The following ST8SIA6 variants were observed in gnomAD, a reference collection of about 807,000 sequenced individuals.
The protein encoded by ST8SIA6 is ST8 alpha-N-acetyl-neuraminide alpha-2,8-sialyltransferase 6, also known as alpha-2,8-sialyltransferase 8F.
Under a neutral mutation model 33.6 loss-of-function variants are expected in ST8SIA6, and 39 were observed. That is an observed-to-expected ratio of 1.16 (90% CI 0.90 to 1.52). The LOEUF (loss-of-function observed/expected upper bound fraction) is 1.52, where lower values mean the gene tolerates loss of function less well. ST8SIA6 is among the 40% of genes most tolerant of loss of function. The probability of loss-of-function intolerance (pLI) is 0.00; values close to 1 mark genes in which losing one functional copy is unlikely to be tolerated. For synonymous variants in ST8SIA6, 172 were observed against 167.2 expected (o/e 1.03, Z -0.22); for missense variants, 441 against 443.8 (o/e 0.99, Z 0.06).
rs564657839 is a variant in ST8SIA6, at chr10:17,372,691, A to T, written c.291-13091T>A. ...TGACAAAAATATAATAATGTAAAGG[A>T]TTATGAACTGAGTAATGGGTTAGTT... On this transcript the variant is annotated intron_variant, in intron 3 of 7. Transcript: ENST00000377602. Among the ~76,000 whole-genome samples, 11 of 152,342 alleles carry T rather than the reference A, an allele frequency of 7.2e-5. No homozygotes were observed. In the East Asian group the frequency reaches 2.1e-3, roughly 29 times the overall value.
chr10:17,356,708 G>T (rs964231852), intron 4 of ST8SIA6, among the ~76,000 whole-genome samples: 2 of 152,000 alleles, frequency 1.3e-5, no homozygotes, highest in Admixed American at 6.6e-5. Flanking sequence ...ACTTAAATTG[G>T]CCCTGAAGGG....
intron 2 of ST8SIA6, among the ~76,000 whole-genome samples, chr10:17,429,682 A>G (rs1356785610): frequency 6.6e-6 from 1 of 151,816 alleles, no homozygotes; most frequent in African/African-American, 2.4e-5. Flanking sequence ...ATGGGGTCTC[A>G]CTATGTTGCC....
chr10:17,385,444 G>A (rs560263172), intron 3 of ST8SIA6, among the ~76,000 whole-genome samples: 2 of 152,034 alleles, frequency 1.3e-5, no homozygotes, highest in African/African-American at 2.4e-5. Flanking sequence ...CTTTTTAATC[G>A]CCTGGGTGCA....
At chr10:17,450,933 A>C (rs1852888773) in intron 2 of ST8SIA6, among the ~76,000 whole-genome samples, 1 of 152,124 alleles carries the variant, frequency 6.6e-6, no homozygotes. Context: ...CCCAGCACCT[A>C]TGGCAGGCAA....
chr10:17,385,971 C>T (rs930071422), intron 3 of ST8SIA6, among the ~76,000 whole-genome samples: 5 of 151,892 alleles, frequency 3.3e-5, no homozygotes, highest in Non-Finnish European at 7.4e-5. Context: ...TCACTTGCAC[C>T]CAGGGTTTTG....
intron 4 of ST8SIA6, among the ~76,000 whole-genome samples, chr10:17,355,371 G>A (rs1849158040): frequency 6.6e-6 from 1 of 152,112 alleles, no homozygotes; most frequent in Non-Finnish European, 1.5e-5. Flanking sequence ...CTCCTTCAAT[G>A]AGAGAACTGG....
intron 2 of ST8SIA6, among the ~76,000 whole-genome samples, chr10:17,425,659 AG>A (rs1851912922): frequency 6.7e-6 from 1 of 150,228 alleles, no homozygotes; most frequent in East Asian, 2.0e-4. Flanking sequence ...GGAGGGAGGG[AG>A]GAAGGGAAGA....
chr10:17,347,395 A>T (rs1023846938), intron 4 of ST8SIA6, among the ~76,000 whole-genome samples: 18 of 152,306 alleles, frequency 1.2e-4, no homozygotes, highest in Admixed American at 1.1e-3. Flanking sequence ...TGGGAGAAGG[A>T]TGCTGACTTC....
At position 17,437,669 on chromosome 10, in the gene ST8SIA6, C is replaced by CTCTCTT. The variant is rs762812881; in HGVS notation, c.200+15884_200+15889dup. 5.1e-4 allele frequency among the ~76,000 whole-genome samples: 76 copies of CTCTCTT among 148,962 alleles called. No homozygotes were observed. In the East Asian group the frequency reaches 6.8e-3, roughly 13 times the overall value. On this transcript the variant is annotated intron_variant, in intron 2 of 7. Coordinates refer to ENST00000377602, the MANE Select transcript of ST8SIA6 (RefSeq NM_001004470.3). The stretch of plus-strand genomic sequence containing the variant: ...TCCTTCCTTCCTTCCTTCCTTCTGT[C>CTCTCTT]TCTCTTTCTCTTTCTCTTTCTCCCT...
intron 2 of ST8SIA6, among the ~76,000 whole-genome samples, chr10:17,402,753 A>G (rs1851097125): frequency 1.3e-5 from 2 of 152,070 alleles, no homozygotes; most frequent in African/African-American, 4.8e-5. Context: ...GAAGGGGAGC[A>G]TCACACACCG....
intron 2 of ST8SIA6, among the ~76,000 whole-genome samples, chr10:17,439,362 C>G (rs796135969): frequency 2.2e-4 from 33 of 151,186 alleles, no homozygotes; most frequent in African/African-American, 8.0e-4. Flanking sequence ...TCACTGCAAC[C>G]TCCGCCTTCC....
intron 4 of ST8SIA6, among the ~76,000 whole-genome samples, chr10:17,353,034 A>G (rs1423756602): frequency 3.9e-5 from 6 of 152,180 alleles, no homozygotes; most frequent in Admixed American, 3.9e-4. Context: ...TAAACAGCAA[A>G]CATTTAGAGG....
intron 4 of ST8SIA6, among the ~76,000 whole-genome samples, chr10:17,338,630 GC>G (rs1435673424): frequency 1.3e-5 from 2 of 152,180 alleles, no homozygotes; most frequent in African/African-American, 4.8e-5. Context: ...ACATATAAAT[GC>G]TTCAAAGCCT....
intron 6 of ST8SIA6, among the ~76,000 whole-genome samples, chr10:17,325,439 G>A (rs1848101531): frequency 1.3e-5 from 1 of 77,064 alleles, no homozygotes. Flanking sequence ...TAATATATAT[G>A]TGATTATATA....
intron 3 of ST8SIA6, among the ~76,000 whole-genome samples, chr10:17,364,467 C>T (rs1304100682): frequency 6.6e-6 from 1 of 152,134 alleles, no homozygotes. Flanking sequence ...TACTTACTCC[C>T]TGAGATTAAG....
chr10:17,339,007 G>A (rs1235747751), intron 4 of ST8SIA6, among the ~76,000 whole-genome samples: 1 of 152,168 alleles, frequency 6.6e-6, no homozygotes, highest in East Asian at 1.9e-4. Context: ...GATCTATAAG[G>A]ATGAAATCGA....
chr10:17,387,457 G>C (rs1290304291), intron 3 of ST8SIA6, among the ~76,000 whole-genome samples: 1 of 137,580 alleles, frequency 7.3e-6, no homozygotes, highest in Non-Finnish European at 1.6e-5. Context: ...CGGGGGGGGG[G>C]GGGTTCTCCA....
At chr10:17,397,060 G>T (rs1209185269) in intron 2 of ST8SIA6, among the ~76,000 whole-genome samples, 9 of 152,068 alleles carry the variant, frequency 5.9e-5, no homozygotes, top group Admixed American at 5.9e-4. Context: ...TTTCTGATGT[G>T]AATTTAAAGT....
chr10:17,320,290 A>G lies in ST8SIA6; in HGVS notation c.*588T>C, dbSNP rs566413259. 1 of 152,560 alleles carries G rather than the reference A, an allele frequency of 6.6e-6. No homozygotes were observed. Among genetic ancestry groups the G allele is most frequent in the African/African-American group, 2.4e-5 (1 of 41,604 alleles). 9.5% of individuals were successfully genotyped at this position (152,560 alleles called of 1,614,324 possible). On this transcript the variant is annotated 3_prime_UTR_variant, in exon 8 of 8. Transcript: ENST00000377602. ...GAAAATAAATGGCTTAAATTCAACC[A>G]AAATATCATCACAGCTACTATTAAA...
Sources: allele counts gnomAD v4.1 joint callset (sites outside exome capture counted in the v4.1 genomes callset), GRCh38; gene constraint gnomAD v4.1.1; transcripts MANE v1.5; gene names NCBI Gene and HGNC (gene_info 2026-07-23, HGNC 2026-07-21).